LRCH1: variants seen among roughly 807,000 people sequenced by gnomAD.
LRCH1 encodes the protein leucine rich repeats and calponin homology domain containing 1.
LRCH1 carries 23 observed loss-of-function variants against 94.9 expected under a neutral mutation model. The ratio of observed to expected loss-of-function variants is 0.24; its 90% confidence interval spans 0.17 to 0.34. LRCH1 has a LOEUF of 0.34. LRCH1 is among the 10% of genes least tolerant of loss of function. The probability of loss-of-function intolerance (pLI) is 1.00; values close to 1 mark genes in which losing one functional copy is unlikely to be tolerated. For synonymous variants in LRCH1, 364 were observed against 354.9 expected (o/e 1.03, Z -0.29); for missense variants, 790 against 945.9 (o/e 0.84, Z 2.16).
intron 1 of LRCH1, among the ~76,000 whole-genome samples, chr13:46,556,007 G>A (rs2050061081): frequency 6.6e-6 from 1 of 152,206 alleles, no homozygotes; most frequent in Non-Finnish European, 1.5e-5. Context: ...ACAGTTGAAA[G>A]TTTGAGTAGT....
In LRCH1 at chr13:46,742,741, G is replaced by A. The variant is rs1005852489; in HGVS notation, c.*893G>A. On this transcript the variant is annotated 3_prime_UTR_variant, in exon 20 of 20. Transcript: ENST00000389797. ...TGCCGGTCCAGAATGTGACGGATTC[G>A]ACTCTATTCATTTTCAAATAAAGCC... is the stretch of plus-strand genomic sequence containing the variant. 17 of 985,254 alleles carry A rather than the reference G, an allele frequency of 1.7e-5. No individual in the cohort carries two copies. The highest frequency in any genetic ancestry group is 5.2e-4 in the Middle Eastern group (1 of 1,936). 61.0% of individuals were successfully genotyped at this position (985,254 alleles called of 1,614,324 possible). A position where few individuals can be genotyped will look rare whatever the true frequency, so the allele number is the denominator to read the frequency against.
chr13:46,627,958 A>G (rs1345554773), intron 1 of LRCH1, among the ~76,000 whole-genome samples: 5 of 152,128 alleles, frequency 3.3e-5, no homozygotes, highest in African/African-American at 7.2e-5. Context: ...AAAATCATAC[A>G]TTCAGAATAA....
At chr13:46,619,719 C>A (rs1187522428) in intron 1 of LRCH1, among the ~76,000 whole-genome samples, 4 of 152,186 alleles carry the variant, frequency 2.6e-5, no homozygotes, top group Admixed American at 6.5e-5. Flanking sequence ...ACTTGCATTA[C>A]TTTGACCACT....
exon 19 of LRCH1, chr13:46,750,856 T>G (rs1874099381): frequency 2.3e-6 from 1 of 425,934 alleles, no homozygotes; most frequent in Non-Finnish European, 4.2e-6. Flanking sequence ...GTATTTATCT[T>G]GAAACCAGAG....
chr13:46,600,316 A>G (rs773555111), intron 1 of LRCH1, among the ~76,000 whole-genome samples: 4 of 152,188 alleles, frequency 2.6e-5, no homozygotes, highest in Non-Finnish European at 5.9e-5. Context: ...AGACACCTGC[A>G]CTTGAAATCT....
chr13:46,553,198 A>G lies in LRCH1; in HGVS notation c.-199A>G. 1.8e-6 allele frequency: 1 copy of G among 557,010 alleles called. No individual in the cohort carries two copies. The highest frequency in any genetic ancestry group is 2.0e-5 in the South Asian group (1 of 49,850). The allele number at this position is 557,010 out of a possible 1,614,324, so 34.5% of individuals were successfully genotyped here. ...GTCCTTAGCTTCCCGGGGACAGGAA[A>G]CCTTCAAGACCGAGCTGCCACGGCC... On this transcript the variant is annotated 5_prime_UTR_variant, in exon 1 of 20. Transcript: ENST00000389797.
At chr13:46,568,481 T>C (rs896529241) in intron 1 of LRCH1, among the ~76,000 whole-genome samples, 1 of 152,264 alleles carries the variant, frequency 6.6e-6, no homozygotes, top group Admixed American at 6.5e-5. Context: ...CAGCTACCCA[T>C]ATTGCTGTCC....
At chr13:46,712,408 G>A in intron 14 of LRCH1, 117 bp from the exon 15 acceptor site, 2 of 742,578 alleles carry the variant, frequency 2.7e-6, no homozygotes, top group East Asian at 2.5e-5. Context: ...TCATCACACA[G>A]CAGCGAATGC....
At chr13:46,652,380 G>C (rs2051317525) in intron 2 of LRCH1, among the ~76,000 whole-genome samples, 1 of 134,446 alleles carries the variant, frequency 7.4e-6, no homozygotes, top group African/African-American at 2.7e-5. Context: ...CTGGCCAAGT[G>C]TATTTGTTTT....
intron 1 of LRCH1, among the ~76,000 whole-genome samples, chr13:46,576,376 C>T (rs1030229733): frequency 5.3e-5 from 8 of 152,144 alleles, no homozygotes; most frequent in African/African-American, 1.9e-4. Context: ...CAAGTGAAAC[C>T]ATTTAAATGC....
intron 1 of LRCH1, among the ~76,000 whole-genome samples, chr13:46,562,109 T>G (rs746816883): frequency 2.6e-5 from 4 of 152,124 alleles, no homozygotes; most frequent in Non-Finnish European, 5.9e-5. Context: ...CTACACTTGG[T>G]CTCTGCATTT....
intron 19 of LRCH1, among the ~76,000 whole-genome samples, chr13:46,734,864 G>A (rs1873291002): frequency 6.6e-6 from 1 of 151,664 alleles, no homozygotes; most frequent in South Asian, 2.1e-4. Flanking sequence ...ATGCGATACT[G>A]TTTTGAGTAT....
At chr13:46,684,137 A>C (rs1357227925) in intron 4 of LRCH1, among the ~76,000 whole-genome samples, 1 of 152,248 alleles carries the variant, frequency 6.6e-6, no homozygotes, top group African/African-American at 2.4e-5. Context: ...CTAGGACTAG[A>C]ATGAAGAGGG....
In LRCH1 at chr13:46,686,824, A is replaced by G. The variant is rs150254591; in HGVS notation, c.822+783A>G. On this transcript the variant is annotated intron_variant, in intron 5 of 19. Transcript: ENST00000389797. ...AACCCTTGAGTGAATGTGAGAAACA[A>G]TAAATTGTCTTCCATTGCATCAAAT... is the stretch of plus-strand genomic sequence containing the variant. 2.8e-4 allele frequency among the ~76,000 whole-genome samples: 43 copies of G among 152,282 alleles called. 1 individual carries two copies. The highest frequency in any genetic ancestry group is 9.6e-4 in the African/African-American group (40 of 41,550).
At chr13:46,752,194 C>T (rs1874169301) in exon 19 of LRCH1, 1 of 152,290 alleles carries the variant, frequency 6.6e-6, no homozygotes, top group South Asian at 2.1e-4. Flanking sequence ...TGCATGTGCA[C>T]TCACGCTGCA....
intron 1 of LRCH1, among the ~76,000 whole-genome samples, chr13:46,588,334 C>T (rs1164425683): frequency 2.6e-5 from 4 of 152,084 alleles, no homozygotes; most frequent in African/African-American, 9.7e-5. Flanking sequence ...ACCTATTAGC[C>T]TGATTAGATG....
intron 1 of LRCH1, among the ~76,000 whole-genome samples, chr13:46,601,215 G>A (rs2050624903): frequency 6.6e-6 from 1 of 152,204 alleles, no homozygotes; most frequent in Admixed American, 6.5e-5. Context: ...ATGATTCCTT[G>A]TGTGGAGAAT....
At position 46,743,819 on chromosome 13, in the gene LRCH1, T is replaced by C; in HGVS notation, c.*1971T>C. 2 of 983,968 alleles carry C rather than the reference T, an allele frequency of 2.0e-6. No homozygotes were observed. The highest frequency in any genetic ancestry group is 2.4e-6 in the Non-Finnish European group (2 of 828,588). The allele number at this position is 983,968 out of a possible 1,614,324, so 61.0% of individuals were successfully genotyped here. On this transcript the variant is annotated 3_prime_UTR_variant, in exon 20 of 20. Coordinates refer to ENST00000389797, the MANE Select transcript of LRCH1 (RefSeq NM_001164211.2). The stretch of plus-strand genomic sequence containing the variant: ...TAGGACACTCATGTAAGAGTAGATT[T>C]AATTTTCAGTGTTGATATAGTTCAA...
intron 1 of LRCH1, among the ~76,000 whole-genome samples, chr13:46,565,972 A>G (rs2050179597): frequency 6.6e-6 from 1 of 151,686 alleles, no homozygotes; most frequent in Admixed American, 6.6e-5. Context: ...CACGTTGTGT[A>G]TTCAGGTGAA....
Sources: gnomAD v4.1 joint callset for allele counts (sites outside exome capture counted in the v4.1 genomes callset) on GRCh38, gnomAD v4.1.1 for gene constraint, MANE v1.5 for transcripts, NCBI Gene and HGNC (gene_info 2026-07-23, HGNC 2026-07-21) for gene names.